Variants in ZNF207 observed in about 807,000 individuals in gnomAD.
ZNF207 encodes zinc finger protein 207, also known as BUB3-interacting and GLEBS motif-containing protein ZNF207.
In ZNF207, 24 loss-of-function variants were observed where a neutral mutation model predicts 60.2. The ratio of observed to expected loss-of-function variants is 0.40; its 90% CI spans 0.29 to 0.56. ZNF207 has a LOEUF of 0.56. Ranked by LOEUF, ZNF207 falls within the 20% of genes least tolerant of loss-of-function variation. The pLI, the probability that ZNF207 is intolerant of heterozygous loss-of-function variation, is 0.49. For synonymous variants in ZNF207, 236 were observed against 194.7 expected, an observed-to-expected ratio of 1.21 and a Z score of -1.77; for missense variants, 452 against 636.6, an observed-to-expected ratio of 0.71 and a Z score of 3.12.
rs113939513 is a variant in ZNF207 at position 32,371,389 on chromosome 17, T to C, written c.*1630T>C. 3.9e-5 allele frequency: 6 copies of C among 152,152 alleles called. No individual in the cohort carries two copies. The highest frequency in any genetic ancestry group is 8.8e-5 in the Non-Finnish European group (6 of 68,028). The allele number at this position is 152,152 out of a possible 1,614,324, so 9.4% of individuals were successfully genotyped here. On this transcript the variant is annotated 3_prime_UTR_variant, in exon 12 of 12. Coordinates refer to ENST00000394670, the MANE Select transcript of ZNF207 (RefSeq NM_001098507.2). ...TAGCCATCACAAAAGAGTTCGTATT[T>C]ATGTGACAGATGAAAGTCATACCTT...
intron 3 of ZNF207, among the ~76,000 whole-genome samples, chr17:32,360,239 A>G (rs1028992286): frequency 7.2e-6 from 1 of 138,674 alleles, no homozygotes; most frequent in African/African-American, 2.7e-5. Context: ...AGTCCCAGCT[A>G]CTTGGGAGAC....
In ZNF207 at chr17:32,351,801, T is replaced by C; in HGVS notation, c.57T>C (p.Asp19=). The change falls in exon 2 of 12, where the codon GAT becomes GAC. Residue 19 remains aspartate, a synonymous_variant. Coordinates refer to ENST00000394670, the MANE Select transcript of ZNF207 (RefSeq NM_001098507.2). ...TATTGATCAGGTATTGTAATAGAGA[T>C]TTTGATGATGAGAAGATCCTTATTC... The part of the protein sequence containing the change: ...LKPWCWYCNR[D]FDDEKILIQH... The C allele has an allele frequency of 6.2e-7, 1 of 1,610,244 alleles. No individual in the cohort carries two copies. The highest frequency in any genetic ancestry group is 1.1e-5 in the South Asian group (1 of 90,414).
chr17:32,369,851 T>C lies in ZNF207; in HGVS notation c.*92T>C, dbSNP rs547607685. The C allele has an allele frequency of 7.8e-7, 1 of 1,285,488 alleles. No homozygotes were observed. Among genetic ancestry groups the C allele is most frequent in the African/African-American group, 1.5e-5 (1 of 66,198 alleles). The allele number at this position is 1,285,488 out of a possible 1,614,324, so 79.6% of individuals were successfully genotyped here. ...CCAAGCTTCCGTCAATAAGGCTTCA[T>C]TGTGACTTTAACAAACATTATCTTC... On this transcript the variant is annotated 3_prime_UTR_variant, in exon 12 of 12. Transcript: ENST00000394670.
chr17:32,367,238 ATTATAT>A (rs1269399241), intron 9 of ZNF207, among the ~76,000 whole-genome samples: 1 of 32,286 alleles, frequency 3.1e-5, no homozygotes, highest in African/African-American at 8.1e-5. Context: ...TTTGGAGGGG[ATTATAT>A]ATATATATAT....
Position 32,358,731 on chromosome 17 carries a change from T to C in ZNF207, c.307+90T>C, listed in dbSNP as rs919088078. The C allele has an allele frequency of 3.1e-6, 3 of 981,956 alleles. No homozygotes were observed. The African/African-American group carries it at 5.1e-5, about 17-fold the overall frequency. The allele number at this position is 981,956 out of a possible 1,614,324, so 60.8% of individuals were successfully genotyped here. A position where few individuals can be genotyped will look rare whatever the true frequency, so the allele number is the denominator to read the frequency against. On this transcript the variant is annotated intron_variant, in intron 3 of 11. Transcript: ENST00000394670. ...GAGGCTTACTCTGTCCAGCCGAGGC[T>C]GGAGTACAGTGGTGTGATCTGGGCT... is the stretch of plus-strand genomic sequence containing the variant.
intron 2 of ZNF207, among the ~76,000 whole-genome samples, chr17:32,358,128 A>G (rs767252283): frequency 6.6e-6 from 1 of 152,160 alleles, no homozygotes; most frequent in African/African-American, 2.4e-5. Context: ...TACTTAATTC[A>G]CACTTGAAAC....
At chr17:32,358,956 C>T (rs372296672) in intron 3 of ZNF207, among the ~76,000 whole-genome samples, 2 of 151,958 alleles carry the variant, frequency 1.3e-5, no homozygotes, top group African/African-American at 4.8e-5. Context: ...TGCACTACCA[C>T]GCCCGGCTAG....
At position 32,378,036 on chromosome 17, in the gene ZNF207, A is replaced by G. The variant is rs968221752; in HGVS notation, c.*8277A>G. ...CTATTTTTTTCAAACATATCCATAT[A>G]ACTCACACAAGGAAGAAAGCTGTGC... is the stretch of plus-strand genomic sequence containing the variant. On this transcript the variant is annotated 3_prime_UTR_variant, in exon 12 of 12. Coordinates refer to ENST00000394670, the MANE Select transcript of ZNF207 (RefSeq NM_001098507.2). The G allele has an allele frequency of 2.0e-5, 3 of 152,498 alleles. No homozygotes were observed. The highest frequency in any genetic ancestry group is 4.4e-5 in the Non-Finnish European group (3 of 67,900). 9.4% of individuals were successfully genotyped at this position (152,498 alleles called of 1,614,324 possible). A position where few individuals can be genotyped will look rare whatever the true frequency, so the allele number is the denominator to read the frequency against.
At chr17:32,359,792 C>G (rs538072562) in intron 3 of ZNF207, among the ~76,000 whole-genome samples, 1 of 152,034 alleles carries the variant, frequency 6.6e-6, no homozygotes, top group East Asian at 1.9e-4. Flanking sequence ...TGCCTATAGT[C>G]TAAGCTGAGG....
In ZNF207 at chr17:32,370,896, G is replaced by C. The variant is rs777158675; in HGVS notation, c.*1137G>C. 14 of 152,164 alleles carry C rather than the reference G, an allele frequency of 9.2e-5. No homozygotes were observed. The highest frequency in any genetic ancestry group is 1.6e-4 in the Non-Finnish European group (11 of 68,036). The allele number at this position is 152,164 out of a possible 1,614,324, so 9.4% of individuals were successfully genotyped here. On this transcript the variant is annotated 3_prime_UTR_variant, in exon 12 of 12. Coordinates refer to ENST00000394670, the MANE Select transcript of ZNF207 (RefSeq NM_001098507.2). ...AATCTAAATGTGTCTCTGTTGGGAT[G>C]GTTAACAGATGAATTGGCAATTTTT...
chr17:32,357,998 C>T (rs1321139118), intron 2 of ZNF207, among the ~76,000 whole-genome samples: 1 of 152,068 alleles, frequency 6.6e-6, no homozygotes, highest in East Asian at 1.9e-4. Context: ...CCAGGCTGGT[C>T]TCAAACTCCT....
intron 2 of ZNF207, among the ~76,000 whole-genome samples, chr17:32,355,198 T>C (rs1458137808): frequency 6.6e-6 from 1 of 152,124 alleles, no homozygotes; most frequent in African/African-American, 2.4e-5. Flanking sequence ...AGTTCGAGAC[T>C]AGCCTGGGCA....
In ZNF207 at chr17:32,379,420, A is replaced by T. The variant is rs2150809014; in HGVS notation, c.*9661A>T. On this transcript the variant is annotated 3_prime_UTR_variant, in exon 12 of 12. Coordinates refer to ENST00000394670, the MANE Select transcript of ZNF207 (RefSeq NM_001098507.2). Reference sequence around the variant, plus strand: ...TTCTGACCTTCACTTAACAGACTATAAATACAAAAACTTTGAACACATAAA... The same window carrying T: ...TTCTGACCTTCACTTAACAGACTATTAATACAAAAACTTTGAACACATAAA... 1 of 152,266 alleles carries T rather than the reference A, an allele frequency of 6.6e-6. No individual in the cohort carries two copies. The highest frequency in any genetic ancestry group is 2.1e-4 in the South Asian group (1 of 4,828). The allele number at this position is 152,266 out of a possible 1,614,324, so 9.4% of individuals were successfully genotyped here.
At position 32,378,723 on chromosome 17, in the gene ZNF207, ATTG is replaced by A. The variant is rs1567834312; in HGVS notation, c.*8970_*8972del. 1 of 151,886 alleles carries A rather than the reference ATTG, an allele frequency of 6.6e-6. No homozygotes were observed. The highest frequency in any genetic ancestry group is 1.9e-4 in the East Asian group (1 of 5,192). The allele number at this position is 151,886 out of a possible 1,614,324, so 9.4% of individuals were successfully genotyped here. A position where few individuals can be genotyped will look rare whatever the true frequency, so the allele number is the denominator to read the frequency against. On this transcript the variant is annotated 3_prime_UTR_variant, in exon 12 of 12. Transcript: ENST00000394670. ...TTTTTTTTTTATTCTACCCGAGTTC[ATTG>A]TTGTTTGAACCATCCTCTAAAGATT...
intron 10 of ZNF207, chr17:32,368,307 TTGCA>T: frequency 2.6e-6 from 1 of 379,022 alleles, no homozygotes; most frequent in Non-Finnish European, 4.8e-6. Flanking sequence ...AAACATAAGT[TTGCA>T]TATGTTAATT....
At chr17:32,366,627 T>G (rs1905175664) in intron 8 of ZNF207, 38 bp from the exon 9 acceptor site, 1 of 1,559,610 alleles carries the variant, frequency 6.4e-7, no homozygotes, top group South Asian at 1.2e-5. Context: ...CCCATTTGTT[T>G]GGAGACTTTT....
At chr17:32,368,268 TC>T in intron 10 of ZNF207, 1 of 483,036 alleles carries the variant, frequency 2.1e-6, no homozygotes, top group South Asian at 3.1e-5. Context: ...TAAGTCAGGT[TC>T]TTAACTCTCT....
intron 2 of ZNF207, among the ~76,000 whole-genome samples, chr17:32,355,631 A>G (rs757965149): frequency 1.3e-5 from 2 of 152,218 alleles, no homozygotes; most frequent in Non-Finnish European, 2.9e-5. Context: ...AAGCCGCGCT[A>G]CCAGATGTCC....
In ZNF207 at chr17:32,375,443, G is replaced by A. The variant is rs1905644565; in HGVS notation, c.*5684G>A. On this transcript the variant is annotated 3_prime_UTR_variant, in exon 12 of 12. Coordinates refer to ENST00000394670, the MANE Select transcript of ZNF207 (RefSeq NM_001098507.2). ...ACAGGCTCTTATCTGGTTGAGTACT[G>A]GGGGTGGGAAGGATTTAGTAATGTC... 6.6e-6 allele frequency: 1 copy of A among 152,090 alleles called. No individual in the cohort carries two copies. The highest frequency in any genetic ancestry group is 2.4e-5 in the African/African-American group (1 of 41,418). 9.4% of individuals were successfully genotyped at this position (152,090 alleles called of 1,614,324 possible).
Sources: gnomAD v4.1 joint callset for allele counts (sites outside exome capture counted in the v4.1 genomes callset) on GRCh38, gnomAD v4.1.1 for gene constraint, MANE v1.5 for transcripts, NCBI Gene and HGNC (gene_info 2026-07-23, HGNC 2026-07-21) for gene names.